Variants in MARCHF1 observed in about 807,000 individuals in gnomAD.
The protein encoded by MARCHF1 is E3 ubiquitin-protein ligase MARCHF1.
Under a neutral mutation model 54.2 loss-of-function variants are expected in MARCHF1, and 40 were observed. The ratio of observed to expected loss-of-function variants is 0.74; its 90% CI spans 0.57 to 0.96. The LOEUF is 0.96. Among genes scored for constraint, MARCHF1 ranks in the 40% least tolerant of loss-of-function variants. The pLI, the probability that MARCHF1 is intolerant of heterozygous loss-of-function variation, is 0.00. For missense variants in MARCHF1, 586 were observed against 656.5 expected, an observed-to-expected ratio of 0.89 and a Z score of 1.17; for synonymous variants, 236 against 236.3, an observed-to-expected ratio of 1.00 and a Z score of 0.01.
chr4:164,132,696 C>T (rs184458208), intron 1 of MARCHF1, among the ~76,000 whole-genome samples: 2 of 152,144 alleles, frequency 1.3e-5, no homozygotes, highest in African/African-American at 4.8e-5. Flanking sequence ...TGACACTTAC[C>T]TGAATTAATT....
rs116224380 is a variant in MARCHF1, at chr4:164,150,940, T to A, written c.-322-39278A>T. Among the ~76,000 whole-genome samples, 880 of 152,148 alleles carry A rather than the reference T, an allele frequency of 5.8e-3. 8 individuals are homozygous for A. Among genetic ancestry groups the A allele is most frequent in the African/African-American group, 0.02 (839 of 41,534 alleles). ...AATCACAAGTGTCCTTGAATGGGAA[T>A]AGGAGGGCAAAAGTGTCAGTGGTGG... On this transcript the variant is annotated intron_variant, in intron 1 of 9. Transcript: ENST00000514618.
chr4:164,293,051 A>G (rs1251955900), intron 1 of MARCHF1, among the ~76,000 whole-genome samples: 3 of 152,128 alleles, frequency 2.0e-5, no homozygotes, highest in Non-Finnish European at 4.4e-5. Flanking sequence ...TGCTCTTCTT[A>G]CCAATGATTT....
intron 1 of MARCHF1, among the ~76,000 whole-genome samples, chr4:164,187,922 G>T (rs139650587): frequency 6.6e-6 from 1 of 152,126 alleles, no homozygotes; most frequent in Non-Finnish European, 1.5e-5. Context: ...GGAAAATCTA[G>T]TAAACCTATA....
At chr4:164,168,716 C>A (rs541550263) in intron 1 of MARCHF1, among the ~76,000 whole-genome samples, 56 of 151,604 alleles carry the variant, frequency 3.7e-4, no homozygotes, top group African/African-American at 1.3e-3. Flanking sequence ...CTACAGTTGA[C>A]CCTTGAGCAA....
intron 2 of MARCHF1, among the ~76,000 whole-genome samples, chr4:164,041,190 G>T (rs921555342): frequency 7.9e-5 from 12 of 152,094 alleles, no homozygotes; most frequent in African/African-American, 2.9e-4. Flanking sequence ...ACCGAGAATT[G>T]CATGGCATGA....
At chr4:164,349,942 T>G (rs1201105128) in intron 1 of MARCHF1, among the ~76,000 whole-genome samples, 1 of 152,196 alleles carries the variant, frequency 6.6e-6, no homozygotes, top group Admixed American at 6.5e-5. Context: ...AGCTGGAATT[T>G]CAACTCTATC....
chr4:164,175,353 T>TC (rs1283961009), intron 1 of MARCHF1, among the ~76,000 whole-genome samples: 7 of 152,208 alleles, frequency 4.6e-5, no homozygotes, highest in African/African-American at 1.7e-4. Context: ...CCCCCTATCT[T>TC]CCCATAAGTG....
chr4:163,757,205 T>TA lies in MARCHF1; in HGVS notation c.112-56343dup, dbSNP rs541450811. Among the ~76,000 whole-genome samples the TA allele has an allele frequency of 4.0e-3, 603 of 152,326 alleles. 7 individuals carry two copies. Among genetic ancestry groups the TA allele is most frequent in the African/African-American group, 0.013 (529 of 41,580 alleles). ...TCATTCTCAACATTCTTTCTGGAAT[T>TA]AGAGAGATCATATGTGTGCAACCTT... is the stretch of plus-strand genomic sequence containing the variant. On this transcript the variant is annotated intron_variant, in intron 4 of 9. Coordinates refer to ENST00000514618, the MANE Select transcript of MARCHF1 (RefSeq NM_001394959.1).
rs1291889597 is a variant in MARCHF1, at chr4:163,929,965, TATATATAA to T, written c.-39+58528_-39+58535del. ...TTTATATTATATATATTATATATAA[TATATATAA>T]TATATATAATATATATATAATATAT... is the stretch of plus-strand genomic sequence containing the variant. On this transcript the variant is annotated intron_variant, in intron 3 of 9. Coordinates refer to ENST00000514618, the MANE Select transcript of MARCHF1 (RefSeq NM_001394959.1). Among the ~76,000 whole-genome samples the T allele has an allele frequency of 1.2e-3, 76 of 62,650 alleles. 1 individual carries two copies. Among genetic ancestry groups the T allele is most frequent in the Middle Eastern group, 6.7e-3 (1 of 150 alleles). 41.1% of individuals were successfully genotyped at this position (62,650 alleles called of 152,430 possible).
intron 8 of MARCHF1, 144 bp downstream of exon 8, chr4:163,585,605 T>C (rs906536576): frequency 1.9e-6 from 1 of 518,844 alleles, no homozygotes; most frequent in Non-Finnish European, 3.3e-6. Context: ...TAGATAAATT[T>C]TGTGCACTGA....
In MARCHF1 at chr4:164,100,853, G is replaced by C. The variant is rs529707953; in HGVS notation, c.-248+10735C>G. 5.9e-4 allele frequency among the ~76,000 whole-genome samples: 90 copies of C among 152,296 alleles called. No homozygotes were observed. In the East Asian group the frequency reaches 0.017, roughly 28 times the overall value. ...TTCTGCATTTCCATCTGAGGTACCG[G>C]GTTCATCTCACTAGGGAGTGCCAGA... is the stretch of plus-strand genomic sequence containing the variant. On this transcript the variant is annotated intron_variant, in intron 2 of 9. Transcript: ENST00000514618.
intron 1 of MARCHF1, among the ~76,000 whole-genome samples, chr4:164,179,495 A>G (rs998496694): frequency 2.6e-5 from 4 of 152,184 alleles, no homozygotes; most frequent in Non-Finnish European, 4.4e-5. Context: ...CAAAAACACA[A>G]TATGCTCCTA....
chr4:164,123,192 A>G (rs942650268), intron 1 of MARCHF1, among the ~76,000 whole-genome samples: 10 of 152,098 alleles, frequency 6.6e-5, no homozygotes, highest in Non-Finnish European at 1.3e-4. Flanking sequence ...ATGAAATTTT[A>G]AAAAGTAATC....
chr4:163,900,316 T>C (rs1209430193), intron 3 of MARCHF1, among the ~76,000 whole-genome samples: 1 of 151,658 alleles, frequency 6.6e-6, no homozygotes. Context: ...CATCGTTATG[T>C]TCCTACCCAC....
intron 2 of MARCHF1, among the ~76,000 whole-genome samples, chr4:164,013,957 G>C (rs950474805): frequency 1.3e-5 from 2 of 152,016 alleles, no homozygotes; most frequent in African/African-American, 2.4e-5. Flanking sequence ...GATGCAGGTG[G>C]ATCATGATGC....
intron 5 of MARCHF1, among the ~76,000 whole-genome samples, chr4:163,622,441 T>TG (rs1383014345): frequency 2.7e-5 from 4 of 146,546 alleles, no homozygotes; most frequent in African/African-American, 1.0e-4. Flanking sequence ...ACAGATCTTT[T>TG]GAAAAAAAAA....
chr4:164,095,890 G>T (rs1476387202), intron 2 of MARCHF1, among the ~76,000 whole-genome samples: 2 of 152,050 alleles, frequency 1.3e-5, no homozygotes, highest in African/African-American at 4.8e-5. Context: ...AGTCAGAATA[G>T]CTACGATTAA....
chr4:164,047,580 T>C (rs1032887117), intron 2 of MARCHF1, among the ~76,000 whole-genome samples: 5 of 152,330 alleles, frequency 3.3e-5, no homozygotes, highest in South Asian at 2.1e-4. Flanking sequence ...TTCCACCTTC[T>C]CCCATATTTG....
At chr4:163,933,566 G>T (rs993949018) in intron 3 of MARCHF1, among the ~76,000 whole-genome samples, 21 of 152,294 alleles carry the variant, frequency 1.4e-4, no homozygotes, top group Non-Finnish European at 2.8e-4. Context: ...TTCTGCAAGT[G>T]ACTGTGTTTT....
Sources: allele counts gnomAD v4.1 joint callset (sites outside exome capture counted in the v4.1 genomes callset), GRCh38; gene constraint gnomAD v4.1.1; transcripts MANE v1.5; gene names NCBI Gene and HGNC (gene_info 2026-07-23, HGNC 2026-07-21).